Variants in MED15 observed in about 807,000 individuals in gnomAD.
MED15 encodes the protein mediator of RNA polymerase II transcription subunit 15.
A neutral mutation model predicts 118.7 loss-of-function variants in MED15; 41 were observed. The ratio of observed to expected loss-of-function variants is 0.35; its 90% confidence interval spans 0.27 to 0.45. The LOEUF (loss-of-function observed/expected upper bound fraction) is 0.45, where lower values mean the gene tolerates loss of function less well. Ranked by LOEUF, MED15 falls within the 20% of genes least tolerant of loss-of-function variation. MED15 has a pLI of 1.00. For synonymous variants in MED15, 436 were observed against 413.9 expected (o/e 1.05, Z -0.65); for missense variants, 740 against 1,025.5 (o/e 0.72, Z 3.80).
At chr22:20,585,292 G>A in intron 16 of MED15, 25 bp downstream of exon 16, 2 of 1,607,640 alleles carry the variant, frequency 1.2e-6, no homozygotes, top group Admixed American at 1.7e-5. Flanking sequence ...GGCCGGGACT[G>A]GTGTGGGAAA....
chr22:20,577,641 G>T, intron 9 of MED15, among the ~76,000 whole-genome samples: 1 of 151,828 alleles, frequency 6.6e-6, no homozygotes, highest in African/African-American at 2.4e-5. Flanking sequence ...GAGAATTCTG[G>T]TTTGTCCTCA....
At chr22:20,580,103 T>C (rs573207686) in intron 9 of MED15, among the ~76,000 whole-genome samples, 3 of 152,206 alleles carry the variant, frequency 2.0e-5, no homozygotes, top group Admixed American at 2.0e-4. Flanking sequence ...TTGTTTTTCT[T>C]CCCACTAGAA....
chr22:20,551,392 G>A lies in MED15; in HGVS notation c.157-44G>A, dbSNP rs772981301. The stretch of plus-strand genomic sequence containing the variant: ...CGGGAAGGGGGAGTCCGATGACTGC[G>A]CTTCTTCATCTGGTATTAAACTGCT... On this transcript the variant is annotated intron_variant, in intron 2 of 17. Transcript: ENST00000263205. 8.9e-6 allele frequency: 14 copies of A among 1,575,902 alleles called. 1 individual carries two copies. Among genetic ancestry groups the A allele is most frequent in the South Asian group, 7.8e-5 (7 of 90,252 alleles).
At chr22:20,551,767 C>G (rs2055785637) in intron 3 of MED15, 1 of 495,166 alleles carries the variant, frequency 2.0e-6, no homozygotes, top group African/African-American at 1.9e-5. Flanking sequence ...CTTAATCTCC[C>G]TTTTCATAGG....
intron 5 of MED15, among the ~76,000 whole-genome samples, chr22:20,556,084 A>C (rs1204816234): frequency 6.6e-6 from 1 of 152,166 alleles, no homozygotes; most frequent in African/African-American, 2.4e-5. Context: ...TGCTGTGCCC[A>C]CTGCAAAGTG....
chr22:20,566,959 C>A, intron 7 of MED15, 142 bp downstream of exon 7: 1 of 1,438,886 alleles, frequency 6.9e-7, no homozygotes, highest in South Asian at 1.4e-5. Flanking sequence ...GCCAGCCCTG[C>A]CGACTCTAGC....
At chr22:20,532,787 GCCATCAAGGGTCTT>G (rs1294262417) in intron 1 of MED15, among the ~76,000 whole-genome samples, 1 of 152,176 alleles carries the variant, frequency 6.6e-6, no homozygotes, top group Non-Finnish European at 1.5e-5. Context: ...TGGCAGGACA[GCCATCAAGGGTCTT>G]CCCTTGTGAG....
chr22:20,564,776 C>A, intron 6 of MED15, 88 bp downstream of exon 6: 2 of 1,576,360 alleles, frequency 1.3e-6, no homozygotes, highest in Non-Finnish European at 8.7e-7. Context: ...GTGCAGTGCC[C>A]GGAGCCAGCC....
rs2056528907 is a variant in MED15 at position 20,568,619 on chromosome 22, T to A, written c.1140T>A (p.Ala380=). The A allele has an allele frequency of 6.2e-7, 1 of 1,613,210 alleles. No individual in the cohort carries two copies. Among genetic ancestry groups the A allele is most frequent in the Admixed American group, 1.7e-5 (1 of 59,972 alleles). Residue 380 remains alanine (A), a synonymous_variant, in exon 8 of 18, where the codon GCT becomes GCA. Coordinates refer to ENST00000263205, the MANE Select transcript of MED15 (RefSeq NM_001003891.3). Reference sequence around the variant, plus strand: ...CAGCTCAGGCTGCCCAGATGGTGGCTCCCGGAGTCCAGGTGAGGGCCTGGG... The same window carrying A: ...CAGCTCAGGCTGCCCAGATGGTGGCACCCGGAGTCCAGGTGAGGGCCTGGG... ...VQTAQAAQMV[A]PGVQMITEAL... is the part of the protein sequence containing the mutation.
At chr22:20,569,547 C>T (rs1184563016) in intron 8 of MED15, among the ~76,000 whole-genome samples, 6 of 152,166 alleles carry the variant, frequency 3.9e-5, no homozygotes, top group African/African-American at 7.2e-5. Flanking sequence ...CACAGTGCCT[C>T]GTGGCAGGCT....
chr22:20,523,643 A>G, intron 1 of MED15: 1 of 985,338 alleles, frequency 1.0e-6, no homozygotes, highest in Non-Finnish European at 1.2e-6. Flanking sequence ...CCTCCTTGCC[A>G]CATGCTTGCC....
chr22:20,515,953 A>G (rs1208972071), intron 1 of MED15, among the ~76,000 whole-genome samples: 1 of 151,870 alleles, frequency 6.6e-6, no homozygotes. Flanking sequence ...CAGTGAGTCA[A>G]GATCACGCCA....
intron 9 of MED15, among the ~76,000 whole-genome samples, chr22:20,580,568 C>G (rs551042702): frequency 6.6e-6 from 1 of 152,240 alleles, no homozygotes; most frequent in Non-Finnish European, 1.5e-5. Context: ...AGAGTAGCAG[C>G]AAGTCAAGCA....
intron 9 of MED15, among the ~76,000 whole-genome samples, chr22:20,577,241 C>A (rs1337440104): frequency 6.6e-6 from 1 of 152,196 alleles, no homozygotes; most frequent in African/African-American, 2.4e-5. Flanking sequence ...GACCTGGCTT[C>A]TCCTTCTTGT....
chr22:20,555,030 C>T lies in MED15; in HGVS notation c.333C>T (p.Gly111=), dbSNP rs145581029. The change falls in exon 5 of 18, where the codon GGC becomes GGT. Residue 111 remains glycine (G), a synonymous_variant. Transcript: ENST00000263205. Reference sequence around the variant, plus strand: ...CTCGGGGCCCGGGACAGTCTCTGGGCGGGATGGGTAGCCTTGGTGCCATGG... The same window carrying T: ...CTCGGGGCCCGGGACAGTCTCTGGGTGGGATGGGTAGCCTTGGTGCCATGG... ...MPPRGPGQSL[G]GMGSLGAMGQ... The T allele has an allele frequency of 8.5e-5, 137 of 1,612,550 alleles. No individual in the cohort carries two copies. In the African/African-American group the frequency reaches 1.3e-3, roughly 15 times the overall value.
intron 2 of MED15, among the ~76,000 whole-genome samples, chr22:20,546,458 C>CT (rs544665780): frequency 1.2e-3 from 181 of 147,526 alleles, no homozygotes; most frequent in African/African-American, 4.4e-3. Flanking sequence ...TTAATTAGGG[C>CT]TTGTAGACTA....
chr22:20,557,784 G>A (rs950671048), intron 5 of MED15, among the ~76,000 whole-genome samples: 1 of 152,166 alleles, frequency 6.6e-6, no homozygotes, highest in African/African-American at 2.4e-5. Context: ...CTTCCAAGGG[G>A]ACTGGTCTTC....
chr22:20,586,841 C>A lies in MED15; in HGVS notation c.*137C>A. ...CTGCTTTTATCTTCTGCCTTGGGGA[C>A]CTGCCAAACGAAATCCCACACCTGT... On this transcript the variant is annotated 3_prime_UTR_variant, in exon 18 of 18. Transcript: ENST00000263205. 7.6e-7 allele frequency: 1 copy of A among 1,317,312 alleles called. No individual in the cohort carries two copies. The highest frequency in any genetic ancestry group is 1.0e-6 in the Non-Finnish European group (1 of 978,196). The allele number at this position is 1,317,312 out of a possible 1,614,324, so 81.6% of individuals were successfully genotyped here.
At chr22:20,566,855 C>A in intron 7 of MED15, 38 bp downstream of exon 7, 1 of 1,600,536 alleles carries the variant, frequency 6.2e-7, no homozygotes, top group Non-Finnish European at 8.5e-7. Context: ...ACATGCAGCC[C>A]GTGGCTCTGT....
Sources: gnomAD v4.1 joint callset for allele counts (sites outside exome capture counted in the v4.1 genomes callset) on GRCh38, gnomAD v4.1.1 for gene constraint, MANE v1.5 for transcripts, NCBI Gene and HGNC (gene_info 2026-07-23, HGNC 2026-07-21) for gene names.